GRID2: variants seen among roughly 807,000 people sequenced by gnomAD.
GRID2 encodes the protein glutamate receptor ionotropic, delta-2.
In GRID2, 33 loss-of-function variants were observed where a neutral mutation model predicts 114.8. The ratio of observed to expected loss-of-function variants is 0.29; its 90% CI spans 0.22 to 0.38. The LOEUF is 0.38. Among genes scored for constraint, GRID2 ranks in the 10% least tolerant of loss-of-function variants. The pLI is 1.00. For synonymous variants in GRID2, 505 were observed against 449.9 expected (o/e 1.12, Z -1.55); for missense variants, 1,184 against 1,257.7 (o/e 0.94, Z 0.89).
rs560333310 is a variant in GRID2 at position 92,552,244 on chromosome 4, G to GA, written c.89-37874dup. ...AATGCAGAATGGGCAAAGCAAAAAT[G>GA]AAAAAAAAAAAAAGTAGTAATATCC... On this transcript the variant is annotated intron_variant, in intron 1 of 15. Coordinates refer to ENST00000282020, the MANE Select transcript of GRID2 (RefSeq NM_001510.4). Among the ~76,000 whole-genome samples, 449 of 123,788 alleles carry GA rather than the reference G, an allele frequency of 3.6e-3. 2 individuals carry two copies. Among genetic ancestry groups the GA allele is most frequent in the South Asian group, 4.7e-3 (19 of 4,058 alleles). 81.2% of individuals were successfully genotyped at this position (123,788 alleles called of 152,430 possible). A position where few individuals can be genotyped will look rare whatever the true frequency, so the allele number is the denominator to read the frequency against.
chr4:92,740,262 A>G (rs896824514), intron 2 of GRID2, among the ~76,000 whole-genome samples: 1 of 152,218 alleles, frequency 6.6e-6, no homozygotes, highest in African/African-American at 2.4e-5. Flanking sequence ...CCTGTGTGTC[A>G]CAAGGACTGA....
chr4:93,106,441 G>T (rs1357303795), intron 3 of GRID2, among the ~76,000 whole-genome samples: 1 of 152,092 alleles, frequency 6.6e-6, no homozygotes, highest in Admixed American at 6.5e-5. Context: ...CCGCCTCCTG[G>T]GTTCAAGCGA....
intron 10 of GRID2, among the ~76,000 whole-genome samples, chr4:93,442,054 A>C (rs956461133): frequency 2.0e-5 from 3 of 152,140 alleles, no homozygotes; most frequent in African/African-American, 7.2e-5. Flanking sequence ...CATAGAGACA[A>C]ACTGTTTCTG....
At chr4:92,837,867 G>A (rs140043616) in intron 2 of GRID2, among the ~76,000 whole-genome samples, 12 of 152,120 alleles carry the variant, frequency 7.9e-5, no homozygotes, top group African/African-American at 4.8e-5. Context: ...TTTGAGCCGC[G>A]AATTCAAGTC....
At chr4:93,471,972 T>C (rs1197740379) in intron 11 of GRID2, among the ~76,000 whole-genome samples, 1 of 150,028 alleles carries the variant, frequency 6.7e-6, no homozygotes, top group African/African-American at 2.4e-5. Context: ...AGTGCTGGAA[T>C]TATAGGCTTG....
At chr4:93,505,742 A>G (rs1290131895) in intron 12 of GRID2, among the ~76,000 whole-genome samples, 1 of 151,458 alleles carries the variant, frequency 6.6e-6, no homozygotes, top group South Asian at 2.1e-4. Flanking sequence ...TTATTTAACT[A>G]ATAGCCATTT....
intron 1 of GRID2, among the ~76,000 whole-genome samples, chr4:92,570,684 C>G (rs1311109164): frequency 6.8e-6 from 1 of 146,416 alleles, no homozygotes; most frequent in Admixed American, 6.7e-5. Flanking sequence ...CTTGTTATCT[C>G]CTAGGTATTT....
intron 14 of GRID2, among the ~76,000 whole-genome samples, chr4:93,721,413 T>G (rs969703642): frequency 3.3e-5 from 5 of 152,184 alleles, no homozygotes; most frequent in Non-Finnish European, 7.3e-5. Context: ...GGAAGAATTT[T>G]TATATTTCAG....
chr4:93,311,413 A>G (rs1755998615), intron 8 of GRID2, among the ~76,000 whole-genome samples: 1 of 152,140 alleles, frequency 6.6e-6, no homozygotes, highest in Admixed American at 6.5e-5. Context: ...ACTGTGCACC[A>G]ATTTCTTCTC....
At chr4:93,633,174 T>G (rs554807933) in intron 14 of GRID2, among the ~76,000 whole-genome samples, 1 of 152,166 alleles carries the variant, frequency 6.6e-6, no homozygotes, top group South Asian at 2.1e-4. Context: ...TTTATTCATT[T>G]ATTTGATTAG....
chr4:93,163,380 A>ATG (rs1737905428), intron 4 of GRID2, among the ~76,000 whole-genome samples: 1 of 43,020 alleles, frequency 2.3e-5, no homozygotes, highest in African/African-American at 8.4e-5. Flanking sequence ...ATATATATAT[A>ATG]TATATATATA....
chr4:92,347,467 G>A (rs2110175806), intron 1 of GRID2, among the ~76,000 whole-genome samples: 1 of 152,242 alleles, frequency 6.6e-6, no homozygotes, highest in East Asian at 1.9e-4. Flanking sequence ...TACTTCTCTG[G>A]TTGATTTAAG....
At chr4:92,939,049 G>A (rs1750891761) in intron 2 of GRID2, among the ~76,000 whole-genome samples, 1 of 147,048 alleles carries the variant, frequency 6.8e-6, no homozygotes, top group Non-Finnish European at 1.5e-5. Flanking sequence ...CTTTATAGCA[G>A]CATGATTTAT....
chr4:93,016,030 T>G (rs946950694), intron 2 of GRID2, among the ~76,000 whole-genome samples: 3 of 147,310 alleles, frequency 2.0e-5, no homozygotes, highest in Middle Eastern at 3.5e-3. Flanking sequence ...AGATAATGTG[T>G]TTTTTTTTGG....
At chr4:93,563,515 A>T (rs1204834600) in intron 13 of GRID2, among the ~76,000 whole-genome samples, 1 of 152,014 alleles carries the variant, frequency 6.6e-6, no homozygotes, top group Non-Finnish European at 1.5e-5. Context: ...CAAAAATAAA[A>T]TTGGCCCAAA....
At chr4:93,129,760 A>G (rs1034102068) in intron 4 of GRID2, among the ~76,000 whole-genome samples, 2 of 152,118 alleles carry the variant, frequency 1.3e-5, no homozygotes, top group Non-Finnish European at 2.9e-5. Flanking sequence ...TTTGGCACTC[A>G]GACACATGGA....
chr4:93,086,868 T>C (rs1057276406), intron 3 of GRID2, among the ~76,000 whole-genome samples: 7 of 152,154 alleles, frequency 4.6e-5, no homozygotes, highest in Admixed American at 3.3e-4. Context: ...TCAGATTATT[T>C]GTGGCCTTTA....
intron 14 of GRID2, among the ~76,000 whole-genome samples, chr4:93,648,482 C>T (rs964826060): frequency 2.6e-5 from 4 of 152,144 alleles, no homozygotes; most frequent in African/African-American, 9.7e-5. Flanking sequence ...TCCTCAAGAC[C>T]TTGAGCAATT....
At chr4:93,426,223 A>G (rs917316174) in intron 10 of GRID2, among the ~76,000 whole-genome samples, 4 of 152,194 alleles carry the variant, frequency 2.6e-5, no homozygotes, top group Non-Finnish European at 5.9e-5. Flanking sequence ...AAGCATTAAT[A>G]TCGTTATTTT....
Sources: allele counts gnomAD v4.1 joint callset (sites outside exome capture counted in the v4.1 genomes callset), GRCh38; gene constraint gnomAD v4.1.1; transcripts MANE v1.5; gene names NCBI Gene and HGNC (gene_info 2026-07-23, HGNC 2026-07-21).